RALB: variants seen among roughly 807,000 people sequenced by gnomAD.
RALB encodes ras-related protein Ral-B.
Under a neutral mutation model 21.3 loss-of-function variants are expected in RALB, and 16 were observed. The observed-to-expected ratio is 0.75, with a 90% CI of 0.51 to 1.14. The LOEUF (loss-of-function observed/expected upper bound fraction) is 1.14. Among genes scored for constraint, RALB ranks in the 50% most tolerant of loss-of-function variants. The pLI is 0.00. For missense variants in RALB, 161 were observed against 256.2 expected, an observed-to-expected ratio of 0.63 and a Z score of 2.54; for synonymous variants, 93 against 96.1, an observed-to-expected ratio of 0.97 and a Z score of 0.19.
In RALB at chr2:120,289,709, C is replaced by T. The variant is rs771807372; in HGVS notation, c.453C>T (p.Gly151=). ...CCAGGAGTAAAGCCGAAGAGTGGGG[C>T]GTGCAGTACGTGGAGACGTCAGCGA... ...EEARSKAEEW[G]VQYVETSAKT... is the part of the protein sequence containing the mutation. Residue 151 remains glycine (G), a synonymous_variant, in exon 4 of 5, where the codon GGC becomes GGT. Transcript: ENST00000272519. The T allele has an allele frequency of 1.2e-5, 20 of 1,614,056 alleles. No homozygotes were observed. In the East Asian group the frequency reaches 1.8e-4, roughly 14 times the overall value.
chr2:120,245,562 C>T (rs554499305), intron 1 of RALB, among the ~76,000 whole-genome samples: 59 of 152,306 alleles, frequency 3.9e-4, no homozygotes, highest in South Asian at 2.7e-3. Context: ...CAGCAGGAAT[C>T]GGACCTCCTG....
intron 3 of RALB, among the ~76,000 whole-genome samples, chr2:120,289,046 A>AG (rs1348889933): frequency 2.0e-5 from 3 of 152,246 alleles, no homozygotes; most frequent in Non-Finnish European, 4.4e-5. Context: ...ATTTCACTGC[A>AG]GGGGGGAGAA....
chr2:120,271,995 A>G (rs1470332054), intron 1 of RALB, among the ~76,000 whole-genome samples: 1 of 152,218 alleles, frequency 6.6e-6, no homozygotes, highest in Non-Finnish European at 1.5e-5. Context: ...GAAGGGTGCC[A>G]TCTTAACTCA....
At position 120,294,523 on chromosome 2, in the gene RALB, C is replaced by T. The variant is rs1230294029; in HGVS notation, c.*1263C>T. Reference sequence around the variant, plus strand: ...AAGAGCCCAGTATTCACATTTTTTCCCCATTTTTCAGAAGCGACATTTCAT... The same window carrying T: ...AAGAGCCCAGTATTCACATTTTTTCTCCATTTTTCAGAAGCGACATTTCAT... On this transcript the variant is annotated 3_prime_UTR_variant, in exon 5 of 5. Coordinates refer to ENST00000272519, the MANE Select transcript of RALB (RefSeq NM_002881.3). The T allele has an allele frequency of 2.9e-6, 1 of 349,172 alleles. No individual in the cohort carries two copies. Among genetic ancestry groups the T allele is most frequent in the Non-Finnish European group, 5.1e-6 (1 of 196,172 alleles). 21.6% of individuals were successfully genotyped at this position (349,172 alleles called of 1,614,324 possible).
At chr2:120,285,398 A>G (rs1449085574) in intron 2 of RALB, among the ~76,000 whole-genome samples, 1 of 152,122 alleles carries the variant, frequency 6.6e-6, no homozygotes, top group Non-Finnish European at 1.5e-5. Flanking sequence ...CATCTTGCCA[A>G]ATTACTTTTC....
At chr2:120,281,462 T>A (rs1162023090) in intron 2 of RALB, among the ~76,000 whole-genome samples, 1 of 152,260 alleles carries the variant, frequency 6.6e-6, no homozygotes, top group African/African-American at 2.4e-5. Flanking sequence ...TCTCATTCAA[T>A]GTCAACATTT....
intron 4 of RALB, among the ~76,000 whole-genome samples, chr2:120,292,141 G>A (rs1690319993): frequency 6.6e-6 from 1 of 152,186 alleles, no homozygotes; most frequent in African/African-American, 2.4e-5. Flanking sequence ...CCATATCTAA[G>A]TAACACACTG....
chr2:120,261,373 A>G (rs1242557237), intron 1 of RALB, among the ~76,000 whole-genome samples: 1 of 152,152 alleles, frequency 6.6e-6, no homozygotes, highest in Non-Finnish European at 1.5e-5. Context: ...GGCTGGAGAC[A>G]AGGAGAAGAA....
chr2:120,281,042 C>T (rs1689978518), intron 2 of RALB: 2 of 287,010 alleles, frequency 7.0e-6, no homozygotes, highest in Admixed American at 5.3e-5. Flanking sequence ...ATACATTTGT[C>T]ATTCCATAGT....
Position 120,288,022 on chromosome 2 carries a change from C to T in RALB, c.324-1558C>T, listed in dbSNP as rs188827794. ...TATGCTGTCTTCCTTGAAACTTTTT[C>T]TGGAAAATATTTTATGAACTAAGAT... On this transcript the variant is annotated intron_variant, in intron 3 of 4. Transcript: ENST00000272519. 5.1e-4 allele frequency among the ~76,000 whole-genome samples: 78 copies of T among 152,268 alleles called. 1 individual carries two copies. The highest frequency in any genetic ancestry group is 4.8e-3 in the Admixed American group (73 of 15,300).
At chr2:120,255,068 G>A (rs1689164671) in intron 1 of RALB, among the ~76,000 whole-genome samples, 1 of 151,964 alleles carries the variant, frequency 6.6e-6, no homozygotes, top group Non-Finnish European at 1.5e-5. Context: ...ACTTATGGAA[G>A]TTAGAAACAT....
rs547466611 is a variant in RALB at position 120,283,803 on chromosome 2, T to C, written c.115-2071T>C. On this transcript the variant is annotated intron_variant, in intron 2 of 4. Coordinates refer to ENST00000272519, the MANE Select transcript of RALB (RefSeq NM_002881.3). The stretch of plus-strand genomic sequence containing the variant: ...GCCATGCAGAGCTCTGCAAGGCCAG[T>C]AGGGGATACGTATGGTTCACGCTAA... 2.0e-5 allele frequency among the ~76,000 whole-genome samples: 3 copies of C among 152,334 alleles called. No homozygotes were observed. The South Asian group carries it at 6.2e-4, about 32-fold the overall frequency.
At chr2:120,283,706 T>A (rs1047899831) in intron 2 of RALB, among the ~76,000 whole-genome samples, 2 of 152,180 alleles carry the variant, frequency 1.3e-5, no homozygotes, top group African/African-American at 4.8e-5. Context: ...TCTGGCAGCT[T>A]AGAGGAAAGT....
At chr2:120,279,423 C>T (rs1157770501) in intron 2 of RALB, among the ~76,000 whole-genome samples, 1 of 151,606 alleles carries the variant, frequency 6.6e-6, no homozygotes, top group East Asian at 1.9e-4. Context: ...TGAAACGTTG[C>T]GGAATGAAAA....
At chr2:120,277,916 A>C (rs537372077) in intron 1 of RALB, among the ~76,000 whole-genome samples, 3 of 145,986 alleles carry the variant, frequency 2.1e-5, no homozygotes, top group African/African-American at 7.8e-5. Context: ...TGTGAATGTG[A>C]GTTAATGTGA....
chr2:120,265,393 G>A (rs887542751), intron 1 of RALB, among the ~76,000 whole-genome samples: 5 of 152,348 alleles, frequency 3.3e-5, no homozygotes, highest in Admixed American at 1.3e-4. Flanking sequence ...TGGGACCACC[G>A]TTGTATTATG....
At chr2:120,269,737 A>G (rs1689613796) in intron 1 of RALB, among the ~76,000 whole-genome samples, 1 of 152,242 alleles carries the variant, frequency 6.6e-6, no homozygotes, top group Non-Finnish European at 1.5e-5. Context: ...TAATTTATGC[A>G]AGAATTCCCC....
At chr2:120,272,868 T>C (rs1689699764) in intron 1 of RALB, among the ~76,000 whole-genome samples, 1 of 152,202 alleles carries the variant, frequency 6.6e-6, no homozygotes, top group Admixed American at 6.5e-5. Context: ...TTTATTATCT[T>C]GTACTGTAAT....
chr2:120,292,284 A>G (rs901786555), intron 4 of RALB, among the ~76,000 whole-genome samples: 1 of 152,104 alleles, frequency 6.6e-6, no homozygotes. Context: ...GGCCAGAAGG[A>G]CATCTCTCAT....
Sources: allele counts gnomAD v4.1 joint callset (sites outside exome capture counted in the v4.1 genomes callset), GRCh38; gene constraint gnomAD v4.1.1; transcripts MANE v1.5; gene names NCBI Gene and HGNC (gene_info 2026-07-23, HGNC 2026-07-21).